The following PLS1 variants were observed in gnomAD, a reference collection of about 807,000 sequenced individuals.
PLS1 encodes plastin-1.
Under a neutral mutation model 73.7 loss-of-function variants are expected in PLS1, and 32 were observed. The observed-to-expected ratio is 0.43, with a 90% CI of 0.33 to 0.58. PLS1 has a LOEUF of 0.58. PLS1 is among the 20% of genes least tolerant of loss of function. The pLI is 0.04. For missense variants in PLS1, 633 were observed against 740.5 expected (o/e 0.85, Z 1.68); for synonymous variants, 217 against 261.3 (o/e 0.83, Z 1.63).
At chr3:142,596,778 A>G (rs2035823457) in intron 1 of PLS1, among the ~76,000 whole-genome samples, 1 of 152,234 alleles carries the variant, frequency 6.6e-6, no homozygotes, top group Admixed American at 6.5e-5. Flanking sequence ...ATTCTATGCA[A>G]TGAAATAAGG....
chr3:142,597,788 T>C (rs533069156), intron 1 of PLS1, among the ~76,000 whole-genome samples: 1 of 152,342 alleles, frequency 6.6e-6, no homozygotes, highest in South Asian at 2.1e-4. Flanking sequence ...TCCCTGCAGA[T>C]ACTCTTCTTT....
chr3:142,677,998 G>A (rs1210004901), intron 5 of PLS1, 34 bp from the exon 6 acceptor site: 2 of 1,053,616 alleles, frequency 1.9e-6, no homozygotes, highest in Non-Finnish European at 2.8e-6. Context: ...ATTTCTTGGA[G>A]TATTAAACTA....
chr3:142,647,503 CTTT>C (rs375387869), intron 1 of PLS1, among the ~76,000 whole-genome samples: 1 of 141,938 alleles, frequency 7.0e-6, no homozygotes, highest in Admixed American at 7.1e-5. Flanking sequence ...TTTTTCTTTT[CTTT>C]TTTTTTTTTT....
At chr3:142,693,395 C>T (rs907026069) in intron 10 of PLS1, among the ~76,000 whole-genome samples, 4 of 152,104 alleles carry the variant, frequency 2.6e-5, no homozygotes, top group East Asian at 1.9e-4. Context: ...GCCCCTGGAA[C>T]GCAGATGATT....
intron 8 of PLS1, 127 bp from the exon 9 acceptor site, chr3:142,686,154 ATTC>A: frequency 1.6e-6 from 1 of 628,722 alleles, no homozygotes; most frequent in Admixed American, 2.7e-5. Context: ...CCTACAAGTA[ATTC>A]TTTATTTTTA....
chr3:142,606,384 T>A (rs188635928), intron 1 of PLS1, among the ~76,000 whole-genome samples: 1 of 152,212 alleles, frequency 6.6e-6, no homozygotes, highest in Non-Finnish European at 1.5e-5. Flanking sequence ...CCACACGTTG[T>A]CAAAATCTTC....
rs752255924 is a variant in PLS1, at chr3:142,669,436, G to C, written c.117G>C (p.Leu39=). The part of the protein sequence containing the change: ...GYVSDYELQD[L]FKEASLPLPG... ...TCAGTGACTATGAACTTCAAGACCT[G>C]TTTAAGGAAGCAAGCCTTCCTCTGC... is the stretch of plus-strand genomic sequence containing the variant. Residue 39 remains leucine, a synonymous_variant, in exon 3 of 16, where the codon CTG becomes CTC. Coordinates refer to ENST00000457734, the MANE Select transcript of PLS1 (RefSeq NM_001145319.2). 3.1e-6 allele frequency: 5 copies of C among 1,608,622 alleles called. No individual in the cohort carries two copies. The highest frequency in any genetic ancestry group is 4.3e-6 in the Non-Finnish European group (5 of 1,175,144).
intron 1 of PLS1, among the ~76,000 whole-genome samples, chr3:142,640,696 T>C (rs4683688): frequency 0.69 from 104,723 of 152,020 alleles, 37,715 homozygotes; most frequent in African/African-American, 0.9. Context: ...TCAGTTTGAT[T>C]GCAGCATGTG....
intron 6 of PLS1, among the ~76,000 whole-genome samples, chr3:142,680,206 A>T (rs1178214039): frequency 2.0e-5 from 3 of 152,166 alleles, no homozygotes; most frequent in Admixed American, 2.0e-4. Flanking sequence ...TAGGGCTATA[A>T]GCATGTACCA....
intron 5 of PLS1, 104 bp from the exon 6 acceptor site, chr3:142,677,928 A>G: frequency 7.1e-6 from 4 of 565,984 alleles, no homozygotes; most frequent in Non-Finnish European, 1.3e-5. Context: ...ATTTTAAAGT[A>G]ATGAATTGTT....
intron 1 of PLS1, among the ~76,000 whole-genome samples, chr3:142,618,127 G>A (rs2036247794): frequency 6.6e-6 from 1 of 152,174 alleles, no homozygotes; most frequent in African/African-American, 2.4e-5. Flanking sequence ...TTTTATTTTT[G>A]TAGTGTTTTT....
At chr3:142,645,963 A>G (rs1447898839) in intron 1 of PLS1, among the ~76,000 whole-genome samples, 3 of 152,154 alleles carry the variant, frequency 2.0e-5, no homozygotes, top group African/African-American at 7.2e-5. Flanking sequence ...AGGGGGTACA[A>G]CATAAGATGT....
chr3:142,605,571 A>G (rs1270889819), intron 1 of PLS1, among the ~76,000 whole-genome samples: 4 of 152,164 alleles, frequency 2.6e-5, no homozygotes, highest in African/African-American at 2.4e-5. Context: ...TGGTTTCTCC[A>G]TGTTGTCCAG....
At chr3:142,704,370 T>A (rs2107958063) in intron 13 of PLS1, 93 bp from the exon 14 acceptor site, 1 of 974,792 alleles carries the variant, frequency 1.0e-6, no homozygotes, top group Non-Finnish European at 1.5e-6. Flanking sequence ...AGAACTGAAC[T>A]ATTTCTTAAG....
intron 5 of PLS1, among the ~76,000 whole-genome samples, chr3:142,677,819 C>A (rs77025099): frequency 0.021 from 3,258 of 152,122 alleles, 109 homozygotes; most frequent in African/African-American, 0.068. Context: ...GAGATGAGGT[C>A]TCTCTGTTTT....
At position 142,694,559 on chromosome 3, in the gene PLS1, A is replaced by G. The variant is rs749880644; in HGVS notation, c.1256+12A>G. 34 of 1,492,652 alleles carry G rather than the reference A, an allele frequency of 2.3e-5. No homozygotes were observed. Among genetic ancestry groups the G allele is most frequent in the Non-Finnish European group, 2.7e-5 (29 of 1,071,594 alleles). 92.5% of individuals were successfully genotyped at this position (1,492,652 alleles called of 1,614,324 possible). On this transcript the variant is annotated intron_variant, in intron 11 of 15. Coordinates refer to ENST00000457734, the MANE Select transcript of PLS1 (RefSeq NM_001145319.2). The stretch of plus-strand genomic sequence containing the variant: ...AATCATTTGTACAGGTAAATATTTT[A>G]TTGTGCTTCAGCTTTACTGTCAGGG...
chr3:142,660,719 C>T (rs77940608), intron 1 of PLS1, among the ~76,000 whole-genome samples: 6,748 of 152,184 alleles, frequency 0.044, 501 homozygotes, highest in African/African-American at 0.15. Flanking sequence ...TGTTTCATTT[C>T]AATGCCAAAG....
At chr3:142,665,291 G>A (rs550562113) in intron 2 of PLS1, among the ~76,000 whole-genome samples, 2,598 of 133,460 alleles carry the variant, frequency 0.019, 74 homozygotes, top group African/African-American at 0.068. Context: ...AAAAAAAAAA[G>A]CACTCCAAAA....
At chr3:142,638,219 C>T (rs1010026469) in intron 1 of PLS1, among the ~76,000 whole-genome samples, 3 of 152,294 alleles carry the variant, frequency 2.0e-5, no homozygotes, top group East Asian at 1.9e-4. Context: ...ATCCTGACAA[C>T]GCTATGAGAT....
Sources: gnomAD v4.1 joint callset for allele counts (sites outside exome capture counted in the v4.1 genomes callset) on GRCh38, gnomAD v4.1.1 for gene constraint, MANE v1.5 for transcripts, NCBI Gene and HGNC (gene_info 2026-07-23, HGNC 2026-07-21) for gene names.